The following EEF2 variants were observed in gnomAD, a reference collection of about 807,000 sequenced individuals.
The protein encoded by EEF2 is eukaryotic translation elongation factor 2, also known as elongation factor 2.
A neutral mutation model predicts 85.3 loss-of-function variants in EEF2; 21 were observed. The observed-to-expected ratio is 0.25, with a 90% CI of 0.17 to 0.35. The LOEUF is 0.35. Ranked by LOEUF, EEF2 falls within the 10% of genes least tolerant of loss-of-function variation. The probability of loss-of-function intolerance (pLI) is 1.00; values close to 1 mark genes in which losing one functional copy is unlikely to be tolerated. For missense variants in EEF2, 825 were observed against 1,225.3 expected, an observed-to-expected ratio of 0.67 and a Z score of 4.88; for synonymous variants, 723 against 508.8, an observed-to-expected ratio of 1.42 and a Z score of -5.67.
In EEF2 at chr19:3,978,005, C is replaced by G. The variant is rs145009005; in HGVS notation, c.1881G>C (p.Glu627Asp). The G allele has an allele frequency of 2.5e-6, 4 of 1,611,824 alleles. No individual in the cohort carries two copies. Among genetic ancestry groups the G allele is most frequent in the Non-Finnish European group, 3.4e-6 (4 of 1,178,980 alleles). The change falls in exon 12 of 15, where the codon GAG becomes GAC. Residue 627 changes from glutamate (E) to aspartate (D), a missense_variant. Physicochemically the swap from Glu to Asp is conservative, Grantham distance 45. Coordinates refer to ENST00000309311, the MANE Select transcript of EEF2 (RefSeq NM_001961.4). The part of the protein sequence containing the change: ...IDKGEVSARQ[E>D]LKQRARYLAE... ...CCAGGTAGCGCGCCCGCTGCTTGAGCTCCTGACGGGCGGACACCTCGCCTT... is the reference window on the plus strand; with the variant it reads ...CCAGGTAGCGCGCCCGCTGCTTGAGGTCCTGACGGGCGGACACCTCGCCTT...
Position 3,980,591 on chromosome 19 carries a change from A to C in EEF2, c.1269T>G (p.Thr423=). 2 of 1,614,246 alleles carry C rather than the reference A, an allele frequency of 1.2e-6. No individual in the cohort carries two copies. The highest frequency in any genetic ancestry group is 1.7e-6 in the Non-Finnish European group (2 of 1,180,038). ...FGRVFSGLVS[T]GLKVRIMGPN... is the part of the protein sequence containing the mutation. The stretch of plus-strand genomic sequence containing the variant: ...GCCCCATGATCCTGACCTTCAGGCC[A>C]GTGGAGACCAGCCCCGAGAAGACTC... Residue 423 remains threonine, a synonymous_variant, in exon 9 of 15, where the codon ACT becomes ACG. Coordinates refer to ENST00000309311, the MANE Select transcript of EEF2 (RefSeq NM_001961.4).
At chr19:3,985,328 G>C (rs374763929) in intron 1 of EEF2, 50 bp downstream of exon 1, 15 of 1,423,356 alleles carry the variant, frequency 1.1e-5, no homozygotes, top group Middle Eastern at 3.7e-4. Flanking sequence ...CGTAGGCCCC[G>C]CGGAGGCCCC....
intron 7 of EEF2, 37 bp from the exon 8 acceptor site, chr19:3,981,016 G>A (rs759114167): frequency 4.6e-5 from 72 of 1,551,414 alleles, no homozygotes; most frequent in Non-Finnish European, 4.1e-5. Flanking sequence ...GACACCTGGG[G>A]AGCCCAGGAT....
rs1443277356 is a variant in EEF2, at chr19:3,976,454, CTG to C, written c.*98_*99del. On this transcript the variant is annotated 3_prime_UTR_variant, in exon 15 of 15. Coordinates refer to ENST00000309311, the MANE Select transcript of EEF2 (RefSeq NM_001961.4). ...CCAGAAACCTCTCAGGGGAGCGTCG[CTG>C]TGTCGGGACAGTCTCCAGGTGTCGT... The C allele has an allele frequency of 3.1e-5, 43 of 1,392,596 alleles. No homozygotes were observed. The highest frequency in any genetic ancestry group is 2.3e-5 in the Non-Finnish European group (24 of 1,026,896). 86.3% of individuals were successfully genotyped at this position (1,392,596 alleles called of 1,614,324 possible).
Position 3,980,006 on chromosome 19 carries a change from A to G in EEF2, c.1407T>C (p.Ile469=), listed in dbSNP as rs2039725423. ...EPIEDVPCGN[I]VGLVGVDQFL... ...ACTGGTCCACGCCCACGAGGCCCAC[A>G]ATGTTCCCACAAGGCACATCCTCGA... is the stretch of plus-strand genomic sequence containing the variant. Residue 469 remains isoleucine (I), a synonymous_variant, in exon 10 of 15, where the codon ATT becomes ATC. Transcript: ENST00000309311. 6.2e-7 allele frequency: 1 copy of G among 1,613,822 alleles called. No individual in the cohort carries two copies. Among genetic ancestry groups the G allele is most frequent in the Non-Finnish European group, 8.5e-7 (1 of 1,180,034 alleles).
chr19:3,976,658 A>C lies in EEF2; in HGVS notation c.2473T>G (p.Phe825Val), dbSNP rs748620210. 1 of 1,609,692 alleles carries C rather than the reference A, an allele frequency of 6.2e-7. No homozygotes were observed. The highest frequency in any genetic ancestry group is 8.5e-7 in the Non-Finnish European group (1 of 1,178,744). Residue 825 changes from phenylalanine to valine, a missense_variant, in exon 15 of 15, where the codon TTC (phenylalanine) becomes GTC (valine). Coordinates refer to ENST00000309311, the MANE Select transcript of EEF2 (RefSeq NM_001961.4). ...DHWQILPGDP[F>V]DNSSRPSQVV... ...TGGCTGGGGCGGCTGCTGTTGTCGA[A>C]GGGGTCTCCGGGCAGGATCTGCCAG...
At chr19:3,976,961 G>C (rs1267235946) in intron 14 of EEF2, among the ~76,000 whole-genome samples, 1 of 152,222 alleles carries the variant, frequency 6.6e-6, no homozygotes, top group African/African-American at 2.4e-5. Context: ...CAGCTCGGCT[G>C]CTCTACCGGC....
rs1280637004 is a variant in EEF2, at chr19:3,985,463, G to C, written c.-83C>G. On this transcript the variant is annotated 5_prime_UTR_variant, in exon 1 of 15. Transcript: ENST00000309311. ...GGATGGCGGCGACGACGGCGGAAGA[G>C]AACGCTGACGTCAACACTCAGCTTT... is the stretch of plus-strand genomic sequence containing the variant. 4.4e-6 allele frequency: 6 copies of C among 1,365,992 alleles called. No individual in the cohort carries two copies. The highest frequency in any genetic ancestry group is 3.9e-6 in the Non-Finnish European group (4 of 1,037,578). The allele number at this position is 1,365,992 out of a possible 1,614,324, so 84.6% of individuals were successfully genotyped here. A position where few individuals can be genotyped will look rare whatever the true frequency, so the allele number is the denominator to read the frequency against.
intron 4 of EEF2, 108 bp from the exon 5 acceptor site, chr19:3,982,532 G>C (rs746492979): frequency 1.4e-6 from 2 of 1,390,824 alleles, no homozygotes; most frequent in South Asian, 1.2e-5. Context: ...TTCTTCAGTA[G>C]ACATCTGGTC....
Position 3,977,393 on chromosome 19 carries a change from G to A in EEF2, c.2250+35C>T, listed in dbSNP as rs556899179. The A allele has an allele frequency of 2.7e-5, 43 of 1,591,070 alleles. No homozygotes were observed. Among genetic ancestry groups the A allele is most frequent in the South Asian group, 4.5e-5 (4 of 88,170 alleles). On this transcript the variant is annotated intron_variant, in intron 13 of 14. Transcript: ENST00000309311. The surrounding 1 kb of genome is among the most constrained non-coding windows in gnomAD (Gnocchi z 5.4). ...CCTGTCAGTGGCCGCTGGGCAGGAC[G>A]GTGGCAGGGTCAGCGGTGGGCGGGT...
intron 7 of EEF2, 32 bp from the exon 8 acceptor site, chr19:3,981,011 C>A: frequency 6.4e-7 from 1 of 1,553,896 alleles, no homozygotes; most frequent in Non-Finnish European, 8.7e-7. Flanking sequence ...CATGAGACAC[C>A]TGGGGAGCCC....
At chr19:3,978,501 T>C (rs954113183) in intron 11 of EEF2, among the ~76,000 whole-genome samples, 8 of 152,116 alleles carry the variant, frequency 5.3e-5, no homozygotes, top group African/African-American at 1.9e-4. Flanking sequence ...GACAGCAGGA[T>C]GTAACTCAAA....
intron 10 of EEF2, 83 bp from the exon 11 acceptor site, chr19:3,979,519 GACCCCGCCAGAAC>G: frequency 8.2e-7 from 1 of 1,212,698 alleles, no homozygotes; most frequent in Non-Finnish European, 1.2e-6. Context: ...TTTAGCTAGG[GACCCCGCCAGAAC>G]AAGATTTCAG....
Position 3,976,448 on chromosome 19 carries a change from G to C in EEF2, c.*106C>G. The C allele has an allele frequency of 7.6e-7, 1 of 1,321,476 alleles. No homozygotes were observed. Among genetic ancestry groups the C allele is most frequent in the South Asian group, 1.4e-5 (1 of 73,584 alleles). The allele number at this position is 1,321,476 out of a possible 1,614,324, so 81.9% of individuals were successfully genotyped here. ...CGGGCCCCAGAAACCTCTCAGGGGA[G>C]CGTCGCTGTGTCGGGACAGTCTCCA... On this transcript the variant is annotated 3_prime_UTR_variant, in exon 15 of 15. Coordinates refer to ENST00000309311, the MANE Select transcript of EEF2 (RefSeq NM_001961.4).
Position 3,983,283 on chromosome 19 carries a change from G to C in EEF2, c.227C>G (p.Ser76Cys). ...ATTCTCCGAGAGCTCGTAGAAGAGG[G>C]AGATGGCACTGATGGAGGGAGGGAC... ...RCITIKSTAI[S>C]LFYELSENDL... Residue 76 changes from serine to cysteine, a missense_variant, in exon 3 of 15, where the codon TCC becomes TGC. Coordinates refer to ENST00000309311, the MANE Select transcript of EEF2 (RefSeq NM_001961.4). The C allele has an allele frequency of 6.2e-7, 1 of 1,613,240 alleles. No homozygotes were observed. Among genetic ancestry groups the C allele is most frequent in the Non-Finnish European group, 8.5e-7 (1 of 1,179,594 alleles).
chr19:3,977,299 G>A lies in EEF2; in HGVS notation c.2299C>T (p.Arg767Trp), dbSNP rs1200901988. The A allele has an allele frequency of 6.2e-7, 1 of 1,605,218 alleles. No homozygotes were observed. Among genetic ancestry groups the A allele is most frequent in the South Asian group, 1.1e-5 (1 of 89,940 alleles). The change falls in exon 14 of 15, where the codon CGG becomes TGG. Residue 767 changes from arginine (R) to tryptophan (W), a missense_variant. By Grantham distance (101) the Arg-to-Trp change is moderately radical. Transcript: ENST00000309311. The surrounding 1 kb of genome is among the most constrained non-coding windows in gnomAD (Gnocchi z 5.4). ...GGIYGVLNRKRGHVFEESQVA... is the reference protein window; with the variant it reads ...GGIYGVLNRKWGHVFEESQVA... ...TGGGACTCCTCGAACACGTGGCCCC[G>A]CTTCCTGTTCAAAACCCCGTAGATG...
Position 3,983,221 on chromosome 19 carries a change from C to G in EEF2, c.289G>C (p.Gly97Arg). 2 of 1,613,954 alleles carry G rather than the reference C, an allele frequency of 1.2e-6. No homozygotes were observed. The highest frequency in any genetic ancestry group is 1.7e-6 in the Non-Finnish European group (2 of 1,179,968). Residue 97 changes from glycine to arginine, a missense_variant, in exon 3 of 15, where the codon GGC becomes CGC. Transcript: ENST00000309311. Reference sequence around the variant, plus strand: ...GAGTCAATGAGGTTGATGAGGAAGCCGGCACCGTCCTTGCTCTGCTTGATG... The same window carrying G: ...GAGTCAATGAGGTTGATGAGGAAGCGGGCACCGTCCTTGCTCTGCTTGATG... ...NFIKQSKDGA[G>R]FLINLIDSPG...
chr19:3,984,772 G>A (rs2039798423), intron 1 of EEF2: 3 of 199,740 alleles, frequency 1.5e-5, no homozygotes, highest in South Asian at 1.7e-4. Context: ...TTGGCAAACG[G>A]GATCAGACAA....
At chr19:3,980,377 G>A (rs539389804) in intron 9 of EEF2, 137 bp downstream of exon 9, 4 of 1,173,156 alleles carry the variant, frequency 3.4e-6, no homozygotes, top group East Asian at 2.6e-5. Context: ...AAGAACAAAA[G>A]TTGTGGCTGG....
Sources: gnomAD v4.1 joint callset for allele counts (sites outside exome capture counted in the v4.1 genomes callset) on GRCh38, gnomAD v4.1.1 for gene constraint, Gnocchi (gnomAD v3.1) non-coding constraint, MANE v1.5 for transcripts, NCBI Gene and HGNC (gene_info 2026-07-23, HGNC 2026-07-21) for gene names.